The following KCNQ1 variants were observed in gnomAD, a reference collection of about 807,000 sequenced individuals.
KCNQ1 encodes potassium voltage-gated channel subfamily KQT member 1.
A neutral mutation model predicts 72.4 loss-of-function variants in KCNQ1; 49 were observed. The ratio of observed to expected loss-of-function variants is 0.68; its 90% CI spans 0.54 to 0.86. The LOEUF is 0.86. Ranked by LOEUF, KCNQ1 falls within the 40% of genes least tolerant of loss-of-function variation. KCNQ1 has a pLI of 0.00. For synonymous variants in KCNQ1, 450 were observed against 412.6 expected (o/e 1.09, Z -1.10); for missense variants, 790 against 945.1 (o/e 0.84, Z 2.15).
rs187484867 is a variant in KCNQ1, at chr11:2,526,871, T to C, written c.387-1057T>C. Reference sequence around the variant, plus strand: ...CACCCTATGCCAGGCAGAGGATCTATGCCGGGGCCCCCAGGGTCTGTGTGT... The same window carrying C: ...CACCCTATGCCAGGCAGAGGATCTACGCCGGGGCCCCCAGGGTCTGTGTGT... On this transcript the variant is annotated intron_variant, in intron 1 of 15. Coordinates refer to ENST00000155840, the MANE Select transcript of KCNQ1 (RefSeq NM_000218.3). This position sits in a 1 kb window ranked among gnomAD's most constrained non-coding sequence, Gnocchi z 6.1. Among the ~76,000 whole-genome samples the C allele has an allele frequency of 1.3e-5, 2 of 152,212 alleles. No individual in the cohort carries two copies. The highest frequency in any genetic ancestry group is 3.9e-4 in the East Asian group (2 of 5,158).
At position 2,595,305 on chromosome 11, in the gene KCNQ1, C is replaced by G. The variant is rs958121738; in HGVS notation, c.1393+6451C>G. On this transcript the variant is annotated intron_variant, in intron 10 of 15. Transcript: ENST00000155840. The surrounding 1 kb of genome is among the most constrained non-coding windows in gnomAD (Gnocchi z 5.0). ...AGGTGGCAGATACAAGATTAATATGCAAAAATCAATTCCATTCATATATTC... is the reference window on the plus strand; with the variant it reads ...AGGTGGCAGATACAAGATTAATATGGAAAAATCAATTCCATTCATATATTC... 6.6e-5 allele frequency among the ~76,000 whole-genome samples: 10 copies of G among 152,098 alleles called. No individual in the cohort carries two copies. The highest frequency in any genetic ancestry group is 1.2e-4 in the Non-Finnish European group (8 of 68,014).
rs927462724 is a variant in KCNQ1, at chr11:2,588,606, T to C, written c.1252-107T>C. On this transcript the variant is annotated intron_variant, in intron 9 of 15. Coordinates refer to ENST00000155840, the MANE Select transcript of KCNQ1 (RefSeq NM_000218.3). This position sits in a 1 kb window ranked among gnomAD's most constrained non-coding sequence, Gnocchi z 5.6. Reference sequence around the variant, plus strand: ...GGCCTCAGGTCCCTGTCCGGGTGTATGTGGCGGGGGCTGGGCTCGGGGCGG... The same window carrying C: ...GGCCTCAGGTCCCTGTCCGGGTGTACGTGGCGGGGGCTGGGCTCGGGGCGG... 4.4e-6 allele frequency: 6 copies of C among 1,370,138 alleles called. No homozygotes were observed. In the African/African-American group the frequency reaches 8.5e-5, roughly 19 times the overall value. 84.9% of individuals were successfully genotyped at this position (1,370,138 alleles called of 1,614,324 possible).
intron 6 of KCNQ1, among the ~76,000 whole-genome samples, chr11:2,577,313 C>T (rs1848436569): frequency 6.6e-6 from 1 of 152,200 alleles, no homozygotes; most frequent in South Asian, 2.1e-4. Flanking sequence ...CCATGGGAAG[C>T]ACCGCCGGAG....
chr11:2,739,629 G>T (rs1163007040), intron 11 of KCNQ1, among the ~76,000 whole-genome samples: 2 of 152,226 alleles, frequency 1.3e-5, no homozygotes, highest in Non-Finnish European at 2.9e-5. Context: ...TTCTCACTCT[G>T]CCCCAGCGTT....
intron 15 of KCNQ1, among the ~76,000 whole-genome samples, chr11:2,838,860 A>G (rs1848141890): frequency 6.6e-6 from 1 of 152,130 alleles, no homozygotes; most frequent in South Asian, 2.1e-4. Context: ...GGGGCAGCTC[A>G]GGAGGCAGCG....
At chr11:2,834,272 C>T (rs980514530) in intron 15 of KCNQ1, among the ~76,000 whole-genome samples, 16 of 152,048 alleles carry the variant, frequency 1.1e-4, no homozygotes, top group Non-Finnish European at 5.9e-5. Flanking sequence ...GTGTGCCCCT[C>T]GAGCCATGTG....
intron 10 of KCNQ1, among the ~76,000 whole-genome samples, chr11:2,605,896 T>G (rs1459015900): frequency 6.6e-6 from 1 of 152,226 alleles, no homozygotes; most frequent in Non-Finnish European, 1.5e-5. Flanking sequence ...CAATATTAAG[T>G]CTTCCAGTCT....
At chr11:2,838,709 G>A (rs1431329135) in intron 15 of KCNQ1, among the ~76,000 whole-genome samples, 1 of 152,184 alleles carries the variant, frequency 6.6e-6, no homozygotes, top group Non-Finnish European at 1.5e-5. Flanking sequence ...AGAACGGCCA[G>A]GCAGCCCTGG....
At chr11:2,667,237 C>T (rs924705851) in intron 11 of KCNQ1, 6 of 398,566 alleles carry the variant, frequency 1.5e-5, no homozygotes, top group East Asian at 3.6e-5. Context: ...TCACTTCCTC[C>T]GTCTGAGCAC....
At position 2,673,645 on chromosome 11, in the gene KCNQ1, G is replaced by A. The variant is rs1043624372; in HGVS notation, c.1514+11564G>A. 2 of 398,626 alleles carry A rather than the reference G, an allele frequency of 5.0e-6. No homozygotes were observed. 24.7% of individuals were successfully genotyped at this position (398,626 alleles called of 1,614,324 possible). ...CCTTGCTACTGCTGATGACCACCCT[G>A]ACTCATGTCCCTTGTCTGCATAGGT... On this transcript the variant is annotated intron_variant, in intron 11 of 15. Coordinates refer to ENST00000155840, the MANE Select transcript of KCNQ1 (RefSeq NM_000218.3). The surrounding 1 kb of genome is among the most constrained non-coding windows in gnomAD (Gnocchi z 4.5).
intron 1 of KCNQ1, among the ~76,000 whole-genome samples, chr11:2,501,194 C>T (rs1271232905): frequency 1.3e-5 from 2 of 149,558 alleles, no homozygotes; most frequent in Admixed American, 1.3e-4. Flanking sequence ...AGCAGAAATA[C>T]ATGAAATTGA....
intron 10 of KCNQ1, chr11:2,614,039 G>C: frequency 2.5e-6 from 1 of 398,538 alleles, no homozygotes; most frequent in South Asian, 1.3e-4. Context: ...TAGTGTGACT[G>C]TGCTATAACC....
chr11:2,510,279 T>C (rs1847177325), intron 1 of KCNQ1, among the ~76,000 whole-genome samples: 1 of 144,812 alleles, frequency 6.9e-6, no homozygotes, highest in Admixed American at 6.9e-5. Context: ...ACCCTGTGTC[T>C]AAAAAAAAAA....
Position 2,457,306 on chromosome 11 carries a change from C to T in KCNQ1, c.386+11822C>T, listed in dbSNP as rs969275082. ...GCAGTCCCGTGTGCTGAGTTTATAC[C>T]CAAAGAAAAATTAGTCGTTCTACCA... On this transcript the variant is annotated intron_variant, in intron 1 of 15. Coordinates refer to ENST00000155840, the MANE Select transcript of KCNQ1 (RefSeq NM_000218.3). This position sits in a 1 kb window ranked among gnomAD's most constrained non-coding sequence, Gnocchi z 5.0. 9.9e-5 allele frequency among the ~76,000 whole-genome samples: 15 copies of T among 152,054 alleles called. No individual in the cohort carries two copies. Among genetic ancestry groups the T allele is most frequent in the African/African-American group, 3.6e-4 (15 of 41,388 alleles).
chr11:2,835,524 T>A (rs1212795384), intron 15 of KCNQ1, among the ~76,000 whole-genome samples: 1 of 152,208 alleles, frequency 6.6e-6, no homozygotes, highest in Non-Finnish European at 1.5e-5. Flanking sequence ...CAGCTCACCC[T>A]GCAAGTCTTT....
rs185380746 is a variant in KCNQ1, at chr11:2,660,884, A to G, written c.1394-1077A>G. Reference sequence around the variant, plus strand: ...TAAGAATAAAGATGAATATGGCATCATAGTCTGAATAATTAAGCAGCTTAA... The same window carrying G: ...TAAGAATAAAGATGAATATGGCATCGTAGTCTGAATAATTAAGCAGCTTAA... On this transcript the variant is annotated intron_variant, in intron 10 of 15. Transcript: ENST00000155840. 8 of 398,662 alleles carry G rather than the reference A, an allele frequency of 2.0e-5. No homozygotes were observed. In the South Asian group the frequency reaches 8.9e-4, roughly 44 times the overall value. 24.7% of individuals were successfully genotyped at this position (398,662 alleles called of 1,614,324 possible). A position where few individuals can be genotyped will look rare whatever the true frequency, so the allele number is the denominator to read the frequency against.
intron 15 of KCNQ1, among the ~76,000 whole-genome samples, chr11:2,796,314 T>C (rs234880): frequency 0.3 from 45,189 of 152,150 alleles, 6,881 homozygotes; most frequent in Middle Eastern, 0.35. Context: ...GATCACCGCC[T>C]GGCTAAGGCC....
rs146350010 is a variant in KCNQ1, at chr11:2,571,368, C to T, written c.648C>T (p.Gly216=). 2 of 1,612,896 alleles carry T rather than the reference C, an allele frequency of 1.2e-6. No homozygotes were observed. Among genetic ancestry groups the T allele is most frequent in the Non-Finnish European group, 1.7e-6 (2 of 1,179,964 alleles). The part of the protein sequence containing the change: ...VVASMVVLCV[G]SKGQVFATSA... ...CCTCCATGGTGGTCCTCTGCGTGGG[C>T]TCCAAGGGGCAGGTGTTTGCCACGT... Residue 216 remains glycine, a synonymous_variant, in exon 4 of 16, where the codon GGC becomes GGT. Coordinates refer to ENST00000155840, the MANE Select transcript of KCNQ1 (RefSeq NM_000218.3).
chr11:2,786,460 C>T (rs2134002273), intron 15 of KCNQ1, among the ~76,000 whole-genome samples: 1 of 152,226 alleles, frequency 6.6e-6, no homozygotes. Flanking sequence ...TGGTGTCTTT[C>T]ATCAGTTCTA....
Sources: gnomAD v4.1 joint callset for allele counts (sites outside exome capture counted in the v4.1 genomes callset) on GRCh38, gnomAD v4.1.1 for gene constraint, Gnocchi (gnomAD v3.1) non-coding constraint, MANE v1.5 for transcripts, NCBI Gene and HGNC (gene_info 2026-07-23, HGNC 2026-07-21) for gene names.